Variants in SAMMSON observed in about 807,000 individuals in gnomAD.
SAMMSON encodes the protein survival associated mitochondrial melanoma specific oncogenic non-coding RNA.
intron 4 of SAMMSON, among the ~76,000 whole-genome samples, chr3:70,146,089 T>A (rs2067547690): frequency 6.6e-6 from 1 of 151,942 alleles, no homozygotes; most frequent in Non-Finnish European, 1.5e-5. Flanking sequence ...CAAAATAATT[T>A]ACCTTTTCCC....
chr3:70,013,669 A>C (rs982528630), exon 3 of SAMMSON: 1 of 152,180 alleles, frequency 6.6e-6, no homozygotes, highest in Non-Finnish European at 1.5e-5. Context: ...AACTTTACTC[A>C]AAGGTAAATA....
At position 70,121,366 on chromosome 3, in the gene SAMMSON, T is replaced by A. The variant is rs186562455; in HGVS notation, n.507+49801T>A. 3.5e-3 allele frequency among the ~76,000 whole-genome samples: 538 copies of A among 152,224 alleles called. 10 individuals carry two copies. Among genetic ancestry groups the A allele is most frequent in the Admixed American group, 0.031 (480 of 15,302 alleles). ...CTCCTCCTCTCAGTCATACCTAGCA[T>A]AAGCCCTGAGTAGGAGGATGTCTAG... On this transcript the variant is annotated intron_variant and non_coding_transcript_variant, in intron 4 of 9. Transcript: ENST00000642114.
chr3:70,032,472 A>G (rs2067069772), intron 3 of SAMMSON, among the ~76,000 whole-genome samples: 1 of 152,156 alleles, frequency 6.6e-6, no homozygotes, highest in African/African-American at 2.4e-5. Context: ...TGTCTCCTTT[A>G]CTTAGTATTT....
rs139438964 is a variant in SAMMSON at position 70,384,376 on chromosome 3, A to G, written n.914-5198A>G. ...TCAAAGCCTGTATGCAGTCCTGCACATTTATTATAATATAGAACACTTTAG... is the reference window on the plus strand; with the variant it reads ...TCAAAGCCTGTATGCAGTCCTGCACGTTTATTATAATATAGAACACTTTAG... On this transcript the variant is annotated intron_variant and non_coding_transcript_variant, in intron 9 of 9. Transcript: ENST00000642114. 3.3e-5 allele frequency among the ~76,000 whole-genome samples: 5 copies of G among 152,158 alleles called. No homozygotes were observed. The East Asian group carries it at 9.7e-4, about 29-fold the overall frequency.
intron 4 of SAMMSON, among the ~76,000 whole-genome samples, chr3:70,149,171 ATCTT>A (rs1309970486): frequency 6.6e-6 from 1 of 152,096 alleles, no homozygotes; most frequent in East Asian, 1.9e-4. Flanking sequence ...TATTTTTAAA[ATCTT>A]TCTTATAGCT....
chr3:70,109,586 G>A lies in SAMMSON; in HGVS notation n.507+38021G>A, dbSNP rs147312230. 2.7e-4 allele frequency among the ~76,000 whole-genome samples: 41 copies of A among 152,228 alleles called. 1 individual carries two copies. Among genetic ancestry groups the A allele is most frequent in the Middle Eastern group, 6.8e-3 (2 of 294 alleles). On this transcript the variant is annotated intron_variant and non_coding_transcript_variant, in intron 4 of 9. Transcript: ENST00000642114. ...TTCCCTGAAAGCCAGACTCTACCTC[G>A]TATGAGTATGTGTGTCCTTTCGGAT...
At chr3:70,304,906 C>A (rs1190910627) in intron 7 of SAMMSON, among the ~76,000 whole-genome samples, 2 of 152,064 alleles carry the variant, frequency 1.3e-5, no homozygotes, top group Non-Finnish European at 2.9e-5. Context: ...TTCGTCATTC[C>A]CTTTTCCTTT....
intron 4 of SAMMSON, chr3:70,205,611 A>T (rs1417989503): frequency 6.6e-6 from 1 of 152,060 alleles, no homozygotes; most frequent in East Asian, 1.9e-4. Flanking sequence ...ATAATCAGAG[A>T]CTAAAATTTA....
At chr3:70,206,392 C>T (rs757734115) in intron 4 of SAMMSON, among the ~76,000 whole-genome samples, 10 of 152,004 alleles carry the variant, frequency 6.6e-5, no homozygotes, top group Non-Finnish European at 1.0e-4. Context: ...ATCTGCCAAG[C>T]GCCTCATAAC....
intron 3 of SAMMSON, chr3:70,025,199 T>A (rs1185282610): frequency 6.6e-6 from 1 of 152,212 alleles, no homozygotes; most frequent in Non-Finnish European, 1.5e-5. Flanking sequence ...ACCATAGTTT[T>A]ATGTTAATGC....
At chr3:70,210,160 G>A (rs955519335) in intron 4 of SAMMSON, among the ~76,000 whole-genome samples, 2 of 152,060 alleles carry the variant, frequency 1.3e-5, no homozygotes, top group Non-Finnish European at 2.9e-5. Context: ...CAGCCAAGTG[G>A]TATATGATTC....
intron 9 of SAMMSON, among the ~76,000 whole-genome samples, chr3:70,365,980 T>TTG (rs1435973617): frequency 2.7e-5 from 1 of 36,780 alleles, no homozygotes; most frequent in Non-Finnish European, 6.0e-5. Flanking sequence ...CTTTTTTTTT[T>TTG]TTTTTTTTTT....
chr3:70,045,346 A>G (rs1188867772), intron 3 of SAMMSON, among the ~76,000 whole-genome samples: 2 of 150,602 alleles, frequency 1.3e-5, no homozygotes, highest in Non-Finnish European at 3.0e-5. Flanking sequence ...TTAGAAGCAA[A>G]TGGAGGATCT....
intron 4 of SAMMSON, chr3:70,075,182 G>A (rs1288011948): frequency 1.3e-5 from 2 of 152,028 alleles, no homozygotes; most frequent in African/African-American, 2.4e-5. Context: ...GGAAAGTGAT[G>A]TAAAACAATT....
At chr3:70,257,641 A>G (rs1701829098) in intron 6 of SAMMSON, among the ~76,000 whole-genome samples, 1 of 152,220 alleles carries the variant, frequency 6.6e-6, no homozygotes, top group Admixed American at 6.5e-5. Context: ...GCTATGAAAC[A>G]TTGCTTAGAG....
intron 4 of SAMMSON, among the ~76,000 whole-genome samples, chr3:70,081,574 T>TGCAGTGACTG (rs1317535057): frequency 1.3e-5 from 2 of 152,196 alleles, no homozygotes; most frequent in African/African-American, 4.8e-5. Flanking sequence ...GAATATACGT[T>TGCAGTGACTG]GCAGTGACTG....
intron 4 of SAMMSON, among the ~76,000 whole-genome samples, chr3:70,197,567 A>T (rs891847324): frequency 6.6e-6 from 1 of 152,194 alleles, no homozygotes; most frequent in African/African-American, 2.4e-5. Flanking sequence ...GGGGCTTAAG[A>T]AGCAGTTAGG....
intron 4 of SAMMSON, among the ~76,000 whole-genome samples, chr3:70,076,736 G>A (rs1203534254): frequency 2.0e-5 from 3 of 152,100 alleles, no homozygotes; most frequent in African/African-American, 4.8e-5. Flanking sequence ...CTCCTTAGAA[G>A]CTCTAATTTA....
At chr3:70,311,817 A>G (rs1020071146) in intron 7 of SAMMSON, 11 of 395,304 alleles carry the variant, frequency 2.8e-5, no homozygotes, top group African/African-American at 1.2e-4. Flanking sequence ...CTTCTCCCAC[A>G]CTATTCCTTG....
Sources: gnomAD v4.1 joint callset for allele counts (sites outside exome capture counted in the v4.1 genomes callset) on GRCh38, gnomAD v4.1.1 for gene constraint, MANE v1.5 for transcripts, NCBI Gene and HGNC (gene_info 2026-07-23, HGNC 2026-07-21) for gene names.